SLC44A2: variants seen among roughly 807,000 people sequenced by gnomAD.
The protein encoded by SLC44A2 is solute carrier family 44 member 2 (CTL2 blood group).
In SLC44A2, 57 loss-of-function variants were observed where a neutral mutation model predicts 90.8. That is an observed-to-expected ratio of 0.63 (90% confidence interval 0.51 to 0.78). The LOEUF (loss-of-function observed/expected upper bound fraction) is 0.78, where lower values mean the gene tolerates loss of function less well. SLC44A2 is among the 30% of genes least tolerant of loss of function. SLC44A2 has a pLI of 0.00. For missense variants in SLC44A2, 794 were observed against 919.7 expected (o/e 0.86, Z 1.77); for synonymous variants, 355 against 360.7 (o/e 0.98, Z 0.18).
chr19:10,607,666 T>C (rs1051379845), intron 1 of SLC44A2, among the ~76,000 whole-genome samples: 2 of 151,628 alleles, frequency 1.3e-5, no homozygotes, highest in Non-Finnish European at 2.9e-5. Flanking sequence ...TTTTTTTGTT[T>C]ATTTGTTTTG....
chr19:10,642,907 G>C (rs755994141), intron 21 of SLC44A2: 1 of 1,591,986 alleles, frequency 6.3e-7, no homozygotes. Context: ...GTGAGGACCT[G>C]GAAAGGAATG....
chr19:10,621,982 G>A (rs1470325797), upstream of SLC44A2, among the ~76,000 whole-genome samples: 2 of 152,148 alleles, frequency 1.3e-5, no homozygotes, highest in Admixed American at 6.6e-5. Flanking sequence ...GGCTGGTCTC[G>A]AACTACTGGC....
chr19:10,640,898 A>G (rs948489227), intron 20 of SLC44A2: 7 of 218,276 alleles, frequency 3.2e-5, no homozygotes, highest in Admixed American at 2.3e-4. Flanking sequence ...CATCCTGGCT[A>G]ACATGGTGAA....
chr19:10,642,891 G>A, intron 21 of SLC44A2: 1 of 1,584,276 alleles, frequency 6.3e-7, no homozygotes, highest in Non-Finnish European at 8.5e-7. Context: ...CCCGGGGGGA[G>A]CCCAGGTGAG....
chr19:10,633,918 A>T (rs1414377513), intron 10 of SLC44A2, among the ~76,000 whole-genome samples: 1 of 149,300 alleles, frequency 6.7e-6, no homozygotes. Flanking sequence ...TGGGCGGATC[A>T]CCTGAGGTTG....
chr19:10,635,001 T>C lies in SLC44A2; in HGVS notation c.983T>C (p.Ile328Thr). Reference protein sequence around the residue: ...FMIILSILEVIIILLLIFLRK... With the variant: ...FMIILSILEVTIILLLIFLRK... ...ATCATTCTGAGTATCCTTGAAGTCA[T>C]TATCATCTTGCTGCTCATCTTTCTC... Residue 328 changes from isoleucine (I) to threonine (T), a missense_variant, in exon 12 of 22, where the codon ATT (isoleucine) becomes ACT (threonine). By Grantham distance (89) the Ile-to-Thr change is moderately conservative (BLOSUM62 -1). Coordinates refer to ENST00000335757, the MANE Select transcript of SLC44A2 (RefSeq NM_020428.4). 1 of 1,614,158 alleles carries C rather than the reference T, an allele frequency of 6.2e-7. No homozygotes were observed. Among genetic ancestry groups the C allele is most frequent in the South Asian group, 1.1e-5 (1 of 91,078 alleles).
upstream of SLC44A2, among the ~76,000 whole-genome samples, chr19:10,622,984 G>A (rs920306873): frequency 6.6e-6 from 1 of 152,226 alleles, no homozygotes; most frequent in African/African-American, 2.4e-5. Context: ...ACATAGGTGT[G>A]CAGCTCAGAG....
At chr19:10,628,091 C>T (rs1441583530) in intron 4 of SLC44A2, 87 bp downstream of exon 4, 2 of 1,264,898 alleles carry the variant, frequency 1.6e-6, no homozygotes, top group East Asian at 2.5e-5. Flanking sequence ...GTCCAGTTAA[C>T]AAGTGCTTAT....
rs200302138 is a variant in SLC44A2 at position 10,635,420 on chromosome 19, C to T, written c.1149-11C>T. 634 of 1,614,094 alleles carry T rather than the reference C, an allele frequency of 3.9e-4. 3 individuals are homozygous for T. In the African/African-American group the frequency reaches 7.2e-3, roughly 18 times the overall value. On this transcript the variant is annotated splice_polypyrimidine_tract_variant and intron_variant, in intron 13 of 21. Coordinates refer to ENST00000335757, the MANE Select transcript of SLC44A2 (RefSeq NM_020428.4). ...CAGTCCTAGACCTCTGCTTCCTTAA[C>T]GAACCTCCAGCTTCCTGTCCACTTC...
At chr19:10,621,330 C>T (rs190882031), upstream of SLC44A2, among the ~76,000 whole-genome samples, 425 of 144,984 alleles carry the variant, frequency 2.9e-3, no homozygotes, top group African/African-American at 0.01. Context: ...CCAGCCTGGG[C>T]GACAGAGCGA....
At chr19:10,638,446 T>A in intron 20 of SLC44A2, 131 bp downstream of exon 20, 1 of 855,990 alleles carries the variant, frequency 1.2e-6, no homozygotes, top group Non-Finnish European at 1.9e-6. Flanking sequence ...GACCACAAAC[T>A]TTTTGTTTGT....
chr19:10,630,671 A>AAG (rs1466479092), intron 4 of SLC44A2, among the ~76,000 whole-genome samples: 1 of 150,338 alleles, frequency 6.7e-6, no homozygotes, highest in Admixed American at 6.7e-5. Context: ...AAAAAAAAAA[A>AAG]AAGAGAAAAA....
chr19:10,642,310 G>T, intron 20 of SLC44A2, 57 bp from the exon 21 acceptor site: 2 of 1,465,702 alleles, frequency 1.4e-6, no homozygotes, highest in Middle Eastern at 1.7e-4. Context: ...GACTCAGGGG[G>T]TGGGGGCTGC....
intron 1 of SLC44A2, among the ~76,000 whole-genome samples, chr19:10,605,296 C>T (rs888159180): frequency 3.9e-5 from 6 of 151,910 alleles, no homozygotes; most frequent in Non-Finnish European, 7.4e-5. Flanking sequence ...AGGTGGATCA[C>T]CTGAGGTCGG....
At position 10,631,708 on chromosome 19, in the gene SLC44A2, T is replaced by C. The variant is rs745593187; in HGVS notation, c.585T>C (p.His195=). ...VGNETTYEDG[H]GSRKNITDLV... is the part of the protein sequence containing the mutation. ...ATGAGACGACCTATGAGGATGGGCA[T>C]GGCTCCCGGAAAAACATCACAGACC... Residue 195 remains histidine, a synonymous_variant, in exon 8 of 22, where the codon CAT becomes CAC. Coordinates refer to ENST00000335757, the MANE Select transcript of SLC44A2 (RefSeq NM_020428.4). 5 of 1,613,104 alleles carry C rather than the reference T, an allele frequency of 3.1e-6. No homozygotes were observed. The highest frequency in any genetic ancestry group is 3.4e-6 in the Non-Finnish European group (4 of 1,180,020).
chr19:10,628,105 C>T, intron 4 of SLC44A2, 101 bp downstream of exon 4: 1 of 1,110,950 alleles, frequency 9.0e-7, no homozygotes, highest in Non-Finnish European at 1.3e-6. Flanking sequence ...TGCTTATAGG[C>T]TGGGCGCGGT....
intron 4 of SLC44A2, among the ~76,000 whole-genome samples, chr19:10,628,849 A>T (rs934363845): frequency 9.9e-5 from 15 of 152,112 alleles, no homozygotes; most frequent in Admixed American, 5.9e-4. Context: ...CTCTAAAATG[A>T]GGATCATAAC....
At chr19:10,626,349 A>G in intron 2 of SLC44A2, 48 bp downstream of exon 2, 1 of 1,365,614 alleles carries the variant, frequency 7.3e-7, no homozygotes, top group Non-Finnish European at 1.0e-6. Context: ...TACTACCCCA[A>G]TCCCTGTCTC....
intron 2 of SLC44A2, among the ~76,000 whole-genome samples, 181 bp downstream of exon 2, chr19:10,626,482 C>T (rs907437991): frequency 2.0e-5 from 3 of 151,362 alleles, no homozygotes; most frequent in African/African-American, 4.9e-5. Flanking sequence ...ATCTCAATCT[C>T]GGCTCACTGC....
Sources: allele counts gnomAD v4.1 joint callset (sites outside exome capture counted in the v4.1 genomes callset), GRCh38; gene constraint gnomAD v4.1.1; transcripts MANE v1.5; gene names NCBI Gene and HGNC (gene_info 2026-07-23, HGNC 2026-07-21).